The following COL4A5 variants were observed in gnomAD, a reference collection of about 807,000 sequenced individuals.
COL4A5 encodes collagen type IV alpha 5 chain.
Under a neutral mutation model 130.2 loss-of-function variants are expected in COL4A5, and 26 were observed. That is an observed-to-expected ratio of 0.20 (90% CI 0.15 to 0.28). The LOEUF is 0.28. Ranked by LOEUF, COL4A5 falls within the 10% of genes least tolerant of loss-of-function variation. The pLI is 1.00. For synonymous variants in COL4A5, 496 were observed against 439.6 expected, an observed-to-expected ratio of 1.13 and a Z score of -1.60; for missense variants, 1,131 against 1,344.3, an observed-to-expected ratio of 0.84 and a Z score of 2.48.
intron 1 of COL4A5, among the ~76,000 whole-genome samples, chrX:108,444,423 G>A (rs1467920337): frequency 9.0e-6 from 1 of 111,102 alleles, no homozygotes; most frequent in Non-Finnish European, 1.9e-5. Context: ...GTTTCACCAT[G>A]TTAGCCAGGA....
At chrX:108,634,932 G>T (rs1471422300) in intron 36 of COL4A5, among the ~76,000 whole-genome samples, 1 of 110,787 alleles carries the variant, frequency 9.0e-6, no homozygotes, top group Non-Finnish European at 1.9e-5. Context: ...ACAGTTTTAG[G>T]AAATATAATG....
chrX:108,659,190 A>G (rs931757339), intron 37 of COL4A5, among the ~76,000 whole-genome samples: 1 of 111,201 alleles, frequency 9.0e-6, no homozygotes, highest in Non-Finnish European at 1.9e-5. Flanking sequence ...TCAACTTACA[A>G]ATATTTGGGG....
chrX:108,542,885 T>C (rs750864797), intron 2 of COL4A5, among the ~76,000 whole-genome samples: 151 of 107,596 alleles, frequency 1.4e-3, no homozygotes, highest in Non-Finnish European at 2.0e-3. Flanking sequence ...TTCATGTGTC[T>C]TTTGGCTGCA....
intron 35 of COL4A5, 52 bp downstream of exon 35, chrX:108,625,846 CA>C: frequency 1.1e-6 from 1 of 918,426 alleles, no homozygotes; most frequent in Admixed American, 2.3e-5. Context: ...AAAGGTGGTT[CA>C]ATATCTCTTT....
At chrX:108,538,691 A>G (rs1350535965) in intron 1 of COL4A5, among the ~76,000 whole-genome samples, 1 of 112,112 alleles carries the variant, frequency 8.9e-6, no homozygotes, top group East Asian at 2.8e-4. Context: ...TGAAGGTTTC[A>G]GTAACTCAGT....
intron 1 of COL4A5, among the ~76,000 whole-genome samples, chrX:108,454,478 C>T (rs1292371214): frequency 3.6e-5 from 4 of 110,924 alleles, no homozygotes; most frequent in Non-Finnish European, 7.6e-5. Flanking sequence ...TGTTTCACCA[C>T]GTTGGCCAGG....
intron 30 of COL4A5, among the ~76,000 whole-genome samples, chrX:108,616,884 T>C (rs2147853746): frequency 9.1e-6 from 1 of 109,340 alleles, no homozygotes; most frequent in Non-Finnish European, 1.9e-5. Context: ...AATATAGATA[T>C]AGAGATATTG....
At chrX:108,544,919 G>A (rs768193132) in intron 2 of COL4A5, among the ~76,000 whole-genome samples, 12 of 111,922 alleles carry the variant, frequency 1.1e-4, no homozygotes, top group African/African-American at 3.9e-4. Flanking sequence ...AATATTTTCT[G>A]ATGGTAGTTT....
chrX:108,695,155 C>T (rs1300689936), intron 51 of COL4A5, 112 bp from the exon 52 acceptor site: 7 of 967,328 alleles, frequency 7.2e-6, no homozygotes, highest in South Asian at 2.0e-5. Flanking sequence ...TACCTCTGGG[C>T]CTGTTCCTTC....
intron 2 of COL4A5, among the ~76,000 whole-genome samples, chrX:108,549,056 G>A (rs369474457): frequency 3.6e-5 from 4 of 111,646 alleles, no homozygotes; most frequent in African/African-American, 1.3e-4. Context: ...TAGAAATGGT[G>A]TAAATGCGGG....
At position 108,665,517 on chromosome X, in the gene COL4A5, C is replaced by A. The variant is rs774271982; in HGVS notation, c.3384C>A (p.Gly1128=). 4.2e-6 allele frequency: 5 copies of A among 1,203,825 alleles called. No individual in the cohort carries two copies. The African/African-American group carries it at 8.8e-5, about 21-fold the overall frequency. ...PGLPGFPGTP[G]PPGPKGISGP... is the part of the protein sequence containing the mutation. ...AGCTCTTTACTCTAGGAACCCCAGG[C>A]CCTCCTGGACCAAAAGGTATTAGTG... The change falls in exon 38 of 53, where the codon GGC becomes GGA. Residue 1128 remains glycine, a synonymous_variant. Transcript: ENST00000328300.
chrX:108,457,846 T>C lies in COL4A5; in HGVS notation c.81+17640T>C, dbSNP rs750415869. 2.1e-4 allele frequency among the ~76,000 whole-genome samples: 23 copies of C among 112,128 alleles called. 1 individual carries two copies. The highest frequency in any genetic ancestry group is 3.7e-4 in the South Asian group (1 of 2,700). ...CTCATCCAGTATGTAAAATTTTGAG[T>C]CTAGCTTTTTCCTCTTAGCATAATA... is the stretch of plus-strand genomic sequence containing the variant. On this transcript the variant is annotated intron_variant, in intron 1 of 52. Coordinates refer to ENST00000328300, the MANE Select transcript of COL4A5 (RefSeq NM_033380.3).
chrX:108,671,814 G>T (rs2068213695), intron 42 of COL4A5, among the ~76,000 whole-genome samples: 2 of 111,758 alleles, frequency 1.8e-5, no homozygotes, highest in Non-Finnish European at 3.8e-5. Flanking sequence ...AACCGATTTA[G>T]CAGGATTATT....
At chrX:108,592,270 G>A (rs764077949) in intron 21 of COL4A5, among the ~76,000 whole-genome samples, 8 of 110,951 alleles carry the variant, frequency 7.2e-5, no homozygotes, top group Non-Finnish European at 1.5e-4. Flanking sequence ...CCTATCTAAA[G>A]CCAGTTCTTC....
In COL4A5 at chrX:108,674,783, T is replaced by TC. The variant is rs754582644; in HGVS notation, c.3808+30_3808+31insC. 4 of 1,175,616 alleles carry TC rather than the reference T, an allele frequency of 3.4e-6. No homozygotes were observed. The African/African-American group carries it at 7.3e-5, about 22-fold the overall frequency. On this transcript the variant is annotated intron_variant, in intron 43 of 52. Coordinates refer to ENST00000328300, the MANE Select transcript of COL4A5 (RefSeq NM_033380.3). ...GACTCTTCACTGGTCAATTCTTTTT[T>TC]TTTTTTTTTTTTAATGCTTTGTGTG...
chrX:108,615,914 T>C (rs1359796855), intron 30 of COL4A5, among the ~76,000 whole-genome samples: 5 of 112,436 alleles, frequency 4.4e-5, no homozygotes, highest in Non-Finnish European at 7.5e-5. Flanking sequence ...TTCCTGACCT[T>C]AAATGGCAGT....
intron 1 of COL4A5, among the ~76,000 whole-genome samples, chrX:108,504,716 C>A (rs1002760183): frequency 1.8e-5 from 2 of 111,611 alleles, no homozygotes; most frequent in South Asian, 3.7e-4. Context: ...CTAGAATAGC[C>A]AGTATTAAAA....
chrX:108,576,906 A>G (rs1232478133), intron 10 of COL4A5, among the ~76,000 whole-genome samples: 1 of 112,231 alleles, frequency 8.9e-6, no homozygotes, highest in African/African-American at 3.2e-5. Context: ...GCATGAAACT[A>G]TGGACTTTCG....
chrX:108,453,549 A>G (rs2064551792), intron 1 of COL4A5, among the ~76,000 whole-genome samples: 1 of 111,683 alleles, frequency 9.0e-6, no homozygotes, highest in Non-Finnish European at 1.9e-5. Flanking sequence ...AATATTACTC[A>G]GTTTTAATTT....
Sources: gnomAD v4.1 joint callset for allele counts (sites outside exome capture counted in the v4.1 genomes callset) on GRCh38, gnomAD v4.1.1 for gene constraint, MANE v1.5 for transcripts, NCBI Gene and HGNC (gene_info 2026-07-23, HGNC 2026-07-21) for gene names.